CEACAM20: variants seen among roughly 807,000 people sequenced by gnomAD.
CEACAM20 encodes the protein cell adhesion molecule CEACAM20.
Under a neutral mutation model 61.2 loss-of-function variants are expected in CEACAM20, and 50 were observed. The ratio of observed to expected loss-of-function variants is 0.82; its 90% CI spans 0.65 to 1.03. The LOEUF (loss-of-function observed/expected upper bound fraction) is 1.03, where lower values mean the gene tolerates loss of function less well. Ranked by LOEUF, CEACAM20 falls within the 50% of genes least tolerant of loss-of-function variation. The pLI is 0.00. For missense variants in CEACAM20, 683 were observed against 736.4 expected (o/e 0.93, Z 0.84); for synonymous variants, 282 against 287.7 (o/e 0.98, Z 0.20).
chr19:44,512,791 G>C, intron 8 of CEACAM20, 77 bp downstream of exon 8: 1 of 1,215,494 alleles, frequency 8.2e-7, no homozygotes, highest in Non-Finnish European at 1.2e-6. Flanking sequence ...TGGTGGCAAA[G>C]CTGGGAGCCC....
chr19:44,519,827 C>A (rs1971299613), intron 5 of CEACAM20, among the ~76,000 whole-genome samples: 1 of 152,200 alleles, frequency 6.6e-6, no homozygotes, highest in African/African-American at 2.4e-5. Context: ...CTACTCCCAG[C>A]CCTTCCACAG....
intron 5 of CEACAM20, among the ~76,000 whole-genome samples, chr19:44,517,482 G>A (rs1599674514): frequency 6.6e-6 from 1 of 152,014 alleles, no homozygotes; most frequent in Non-Finnish European, 1.5e-5. Context: ...CAGATCACGA[G>A]GTCAGGAGAT....
chr19:44,529,354 G>A (rs906452210), intron 1 of CEACAM20, 104 bp downstream of exon 1: 5 of 658,920 alleles, frequency 7.6e-6, no homozygotes, highest in Non-Finnish European at 1.3e-5. Flanking sequence ...TTCCTCGAGT[G>A]CACACACACA....
Position 44,517,110 on chromosome 19 carries a change from C to G in CEACAM20, c.1145G>C (p.Gly382Ala). 1.2e-6 allele frequency: 2 copies of G among 1,613,024 alleles called. No individual in the cohort carries two copies. Among genetic ancestry groups the G allele is most frequent in the Non-Finnish European group, 1.7e-6 (2 of 1,179,578 alleles). ...TLQCWAESKP[G>A]AEYRWTLEHS... is the part of the protein sequence containing the mutation. ...TTCAAGAGTCCAGCGATACTCAGCA[C>G]CTGGCTTGGACTCGGCCCAACACTG... The change falls in exon 6 of 12, where the codon GGT becomes GCT. Residue 382 changes from glycine (G) to alanine (A), a missense_variant. Physicochemically the swap from Gly to Ala is moderately conservative, Grantham distance 60. Coordinates refer to ENST00000614924, the MANE Select transcript of CEACAM20 (RefSeq NM_001102597.3).
At position 44,514,648 on chromosome 19, in the gene CEACAM20, G is replaced by C. The variant is rs191030546; in HGVS notation, c.1310-1359C>G. On this transcript the variant is annotated intron_variant, in intron 6 of 11. Transcript: ENST00000614924. ...GTGTGTGTGTATTTTTAGTAGAGAT[G>C]GGGTTTCGCCATGTTGGCCAGGCTG... 5.2e-3 allele frequency among the ~76,000 whole-genome samples: 792 copies of C among 151,836 alleles called. 21 individuals carry two copies. Among genetic ancestry groups the C allele is most frequent in the Non-Finnish European group, 9.6e-4 (65 of 67,934 alleles).
chr19:44,518,122 G>T, intron 5 of CEACAM20, among the ~76,000 whole-genome samples: 1 of 67,280 alleles, frequency 1.5e-5, no homozygotes, highest in South Asian at 5.7e-4. Flanking sequence ...AAGGAAGGAA[G>T]GAAGGAAGGA....
chr19:44,520,366 A>T, intron 5 of CEACAM20, 108 bp downstream of exon 5: 1 of 1,419,720 alleles, frequency 7.0e-7, no homozygotes, highest in Non-Finnish European at 9.5e-7. Context: ...TTCATGCCTG[A>T]CACAGAGCAG....
intron 1 of CEACAM20, among the ~76,000 whole-genome samples, chr19:44,526,558 T>C (rs1454120100): frequency 2.0e-5 from 3 of 150,840 alleles, no homozygotes; most frequent in Admixed American, 2.0e-4. Flanking sequence ...CATTTGATCA[T>C]TCTGCACACC....
chr19:44,520,104 A>G (rs138389394), intron 5 of CEACAM20, among the ~76,000 whole-genome samples: 1 of 152,280 alleles, frequency 6.6e-6, no homozygotes, highest in East Asian at 1.9e-4. Context: ...CCCTTGCATG[A>G]ATAATCCCGT....
chr19:44,526,291 T>A (rs1971526389), intron 1 of CEACAM20, among the ~76,000 whole-genome samples: 1 of 152,062 alleles, frequency 6.6e-6, no homozygotes, highest in Non-Finnish European at 1.5e-5. Flanking sequence ...GGAGGATCAC[T>A]TGAGCTAAGG....
At chr19:44,510,547 G>GGAAAGAAAGAAAGAAAGAAA (rs770702249) in intron 11 of CEACAM20, among the ~76,000 whole-genome samples, 1 of 52,770 alleles carries the variant, frequency 1.9e-5, no homozygotes, top group Non-Finnish European at 3.7e-5. Flanking sequence ...AAGGAAGGAA[G>GGAAAGAAAGAAAGAAAGAAA]GAAAGAAAGA....
Position 44,525,240 on chromosome 19 carries a change from C to T in CEACAM20, c.57G>A (p.Ser19=), listed in dbSNP as rs762656638. Residue 19 remains serine (S), a synonymous_variant, in exon 2 of 12, where the codon TCG becomes TCA. Coordinates refer to ENST00000614924, the MANE Select transcript of CEACAM20 (RefSeq NM_001102597.3). ...HHWMGILLSA[S]LCTVWSPPAA... The stretch of plus-strand genomic sequence containing the variant: ...CTGGAGGACTCCATACGGTACAAAG[C>T]GAGGCTACAAGGGGAGAGAGGAGGC... 1.5e-5 allele frequency: 23 copies of T among 1,582,782 alleles called. No individual in the cohort carries two copies. Among genetic ancestry groups the T allele is most frequent in the Non-Finnish European group, 1.8e-5 (21 of 1,166,972 alleles).
At chr19:44,528,342 C>T (rs1453741076) in intron 1 of CEACAM20, among the ~76,000 whole-genome samples, 1 of 152,028 alleles carries the variant, frequency 6.6e-6, no homozygotes, top group Non-Finnish European at 1.5e-5. Flanking sequence ...AATTATCTGC[C>T]TCAGCCTCCC....
In CEACAM20 at chr19:44,522,915, G is replaced by T; in HGVS notation, c.473-3C>A. The T allele has an allele frequency of 6.3e-7, 1 of 1,596,594 alleles. No individual in the cohort carries two copies. The highest frequency in any genetic ancestry group is 2.3e-5 in the East Asian group (1 of 44,374). On this transcript the variant is annotated splice_region_variant and splice_polypyrimidine_tract_variant and intron_variant, in intron 3 of 11. Transcript: ENST00000614924. ...GATTTCAACAGGATCAGGACCATCTGAGAGGACAGGAACAATTACAGCAGT... is the reference window on the plus strand; with the variant it reads ...GATTTCAACAGGATCAGGACCATCTTAGAGGACAGGAACAATTACAGCAGT...
intron 5 of CEACAM20, among the ~76,000 whole-genome samples, chr19:44,519,009 C>T (rs1054087522): frequency 1.3e-5 from 2 of 152,160 alleles, no homozygotes; most frequent in Non-Finnish European, 2.9e-5. Flanking sequence ...AATTAAATCC[C>T]ACTCGGAGAT....
Position 44,524,265 on chromosome 19 carries a change from A to T in CEACAM20, c.197-4T>A, listed in dbSNP as rs1971461604. ...GCAATGGAGGGTTTGGCCAGCTCTG[A>T]AAGCAAGCGAGGGAGACAGAGGCAG... is the stretch of plus-strand genomic sequence containing the variant. On this transcript the variant is annotated splice_region_variant and splice_polypyrimidine_tract_variant and intron_variant, in intron 2 of 11. Coordinates refer to ENST00000614924, the MANE Select transcript of CEACAM20 (RefSeq NM_001102597.3). 1 of 1,609,202 alleles carries T rather than the reference A, an allele frequency of 6.2e-7. No individual in the cohort carries two copies. Among genetic ancestry groups the T allele is most frequent in the South Asian group, 1.1e-5 (1 of 90,382 alleles).
intron 1 of CEACAM20, among the ~76,000 whole-genome samples, chr19:44,528,499 C>T (rs1173728321): frequency 2.0e-5 from 3 of 152,172 alleles, no homozygotes; most frequent in African/African-American, 7.2e-5. Flanking sequence ...GCTGGGATTA[C>T]AGGCGTGAGC....
chr19:44,508,797 CA>C (rs1208189397), intron 11 of CEACAM20, among the ~76,000 whole-genome samples: 1 of 152,130 alleles, frequency 6.6e-6, no homozygotes, highest in African/African-American at 2.4e-5. Flanking sequence ...CACGTAGGCC[CA>C]GTATATATTT....
At position 44,522,627 on chromosome 19, in the gene CEACAM20, G is replaced by A. The variant is rs769668085; in HGVS notation, c.751+7C>T. The A allele has an allele frequency of 1.2e-6, 2 of 1,609,938 alleles. No individual in the cohort carries two copies. The highest frequency in any genetic ancestry group is 1.3e-5 in the African/African-American group (1 of 74,960). On this transcript the variant is annotated splice_region_variant and intron_variant, in intron 4 of 11. Transcript: ENST00000614924. ...ATGAAGGAGAGGAACCGGGAAAGGA[G>A]ACTCACCAAGTACTCGGACCTTCAG...
Sources: gnomAD v4.1 joint callset for allele counts (sites outside exome capture counted in the v4.1 genomes callset) on GRCh38, gnomAD v4.1.1 for gene constraint, MANE v1.5 for transcripts, NCBI Gene and HGNC (gene_info 2026-07-23, HGNC 2026-07-21) for gene names.